The following TFCP2L1 variants were observed in gnomAD, a reference collection of about 807,000 sequenced individuals.
The protein encoded by TFCP2L1 is transcription factor CP2-like protein 1.
In TFCP2L1, 12 loss-of-function variants were observed where a neutral mutation model predicts 72.2. That is an observed-to-expected ratio of 0.17 (90% CI 0.11 to 0.27). The LOEUF (loss-of-function observed/expected upper bound fraction) is 0.27. Ranked by LOEUF, TFCP2L1 falls within the 10% of genes least tolerant of loss-of-function variation. TFCP2L1 has a pLI of 1.00. For missense variants in TFCP2L1, 488 were observed against 624.6 expected, an observed-to-expected ratio of 0.78 and a Z score of 2.33; for synonymous variants, 260 against 251.0, an observed-to-expected ratio of 1.04 and a Z score of -0.34.
At chr2:121,231,774 C>G in intron 13 of TFCP2L1, 52 bp downstream of exon 13, 2 of 1,596,148 alleles carry the variant, frequency 1.3e-6, no homozygotes, top group Non-Finnish European at 1.7e-6. Context: ...TTCTGACACT[C>G]CTCCCGTGGC....
At chr2:121,268,504 C>T (rs1029711437) in intron 2 of TFCP2L1, among the ~76,000 whole-genome samples, 3 of 152,144 alleles carry the variant, frequency 2.0e-5, no homozygotes, top group Non-Finnish European at 4.4e-5. Flanking sequence ...CAGGCGTGCA[C>T]CACCTTGCCC....
chr2:121,267,597 G>A (rs547558447), intron 2 of TFCP2L1, among the ~76,000 whole-genome samples: 1 of 152,044 alleles, frequency 6.6e-6, no homozygotes, highest in South Asian at 2.1e-4. Context: ...GGATACAAGC[G>A]ATTCTCCTGC....
chr2:121,265,624 C>G (rs1686914391), intron 2 of TFCP2L1, among the ~76,000 whole-genome samples: 1 of 152,006 alleles, frequency 6.6e-6, no homozygotes, highest in African/African-American at 2.4e-5. Flanking sequence ...TCTGGGATTA[C>G]AGGCATGAGC....
At chr2:121,228,481 C>T (rs943932489) in intron 13 of TFCP2L1, among the ~76,000 whole-genome samples, 2 of 151,430 alleles carry the variant, frequency 1.3e-5, no homozygotes, top group African/African-American at 2.4e-5. Flanking sequence ...ATAGCTAGGC[C>T]GAGCACAGTG....
Position 121,242,485 on chromosome 2 carries a change from A to C in TFCP2L1, c.658-16T>G. 6.2e-7 allele frequency: 1 copy of C among 1,613,198 alleles called. No individual in the cohort carries two copies. The highest frequency in any genetic ancestry group is 8.5e-7 in the Non-Finnish European group (1 of 1,179,500). ...CTCCCTTCGGCTGCGAGCAGAGTAC[A>C]GAGTCCAATCAGCCCAAAACCAACA... is the stretch of plus-strand genomic sequence containing the variant. On this transcript the variant is annotated splice_polypyrimidine_tract_variant and intron_variant, in intron 6 of 14. Coordinates refer to ENST00000263707, the MANE Select transcript of TFCP2L1 (RefSeq NM_014553.3).
intron 2 of TFCP2L1, among the ~76,000 whole-genome samples, chr2:121,269,531 C>T (rs755590568): frequency 6.6e-6 from 1 of 152,114 alleles, no homozygotes. Flanking sequence ...GAGGCTGGGG[C>T]AGGAAGACTG....
intron 6 of TFCP2L1, among the ~76,000 whole-genome samples, chr2:121,244,583 T>G (rs1277506821): frequency 6.6e-6 from 1 of 152,146 alleles, no homozygotes; most frequent in Non-Finnish European, 1.5e-5. Context: ...ACGCCTGGCA[T>G]GGGTTGAGGA....
At chr2:121,265,437 T>C (rs896308512) in intron 2 of TFCP2L1, among the ~76,000 whole-genome samples, 4 of 152,128 alleles carry the variant, frequency 2.6e-5, no homozygotes, top group African/African-American at 9.7e-5. Context: ...TTGAATTTTA[T>C]ACAGTAAATG....
At chr2:121,261,351 C>G (rs1274733202) in intron 2 of TFCP2L1, among the ~76,000 whole-genome samples, 1 of 152,076 alleles carries the variant, frequency 6.6e-6, no homozygotes, top group Non-Finnish European at 1.5e-5. Context: ...AGAGCTGGGG[C>G]AGGCAGAATA....
intron 5 of TFCP2L1, 149 bp from the exon 6 acceptor site, chr2:121,247,119 C>T (rs1028131229): frequency 7.4e-6 from 7 of 942,134 alleles, no homozygotes; most frequent in Non-Finnish European, 1.1e-5. Flanking sequence ...ACACTCTGTC[C>T]ACTCCATCAG....
intron 10 of TFCP2L1, among the ~76,000 whole-genome samples, chr2:121,236,889 G>A (rs990793440): frequency 1.3e-5 from 2 of 152,166 alleles, no homozygotes; most frequent in African/African-American, 2.4e-5. Context: ...ACGCTGCACC[G>A]AAATGAGTGG....
Position 121,242,455 on chromosome 2 carries a change from A to G in TFCP2L1, c.672T>C (p.Asp224=), listed in dbSNP as rs761746425. The G allele has an allele frequency of 6.2e-7, 1 of 1,613,964 alleles. No individual in the cohort carries two copies. Among genetic ancestry groups the G allele is most frequent in the Admixed American group, 1.7e-5 (1 of 60,000 alleles). Residue 224 remains aspartate (D), a synonymous_variant, in exon 7 of 15, where the codon GAT becomes GAC. Transcript: ENST00000263707. ...TCTCCCGGTCAGTCTTCTGTTTCCG[A>G]TCGGCTCCCTTCGGCTGCGAGCAGA... The part of the protein sequence containing the change: ...QIKVFKPKGA[D]RKQKTDREKM...
chr2:121,218,229 A>G lies in TFCP2L1; in HGVS notation c.*6112T>C, dbSNP rs936611606. ...AAATTTCCACAATTTTTAAATTGATAAAATCCAAAATACAATAATTGAGTA... is the reference window on the plus strand; with the variant it reads ...AAATTTCCACAATTTTTAAATTGATGAAATCCAAAATACAATAATTGAGTA... On this transcript the variant is annotated 3_prime_UTR_variant, in exon 15 of 15. Coordinates refer to ENST00000263707, the MANE Select transcript of TFCP2L1 (RefSeq NM_014553.3). The G allele has an allele frequency of 6.6e-6, 1 of 152,262 alleles. No homozygotes were observed. Among genetic ancestry groups the G allele is most frequent in the Non-Finnish European group, 1.5e-5 (1 of 68,048 alleles). 9.4% of individuals were successfully genotyped at this position (152,262 alleles called of 1,614,324 possible). A position where few individuals can be genotyped will look rare whatever the true frequency, so the allele number is the denominator to read the frequency against.
chr2:121,268,025 T>C (rs560783260), intron 2 of TFCP2L1, among the ~76,000 whole-genome samples: 1 of 152,282 alleles, frequency 6.6e-6, no homozygotes, highest in African/African-American at 2.4e-5. Flanking sequence ...AGGCTAAAGA[T>C]TGCTTGAGCC....
intron 8 of TFCP2L1, among the ~76,000 whole-genome samples, chr2:121,238,987 C>T (rs1686307210): frequency 6.6e-6 from 1 of 152,122 alleles, no homozygotes; most frequent in Non-Finnish European, 1.5e-5. Flanking sequence ...GCATGCAGAG[C>T]CATCACGGTG....
At chr2:121,280,977 G>T in intron 2 of TFCP2L1, 143 bp downstream of exon 2, 1 of 988,262 alleles carries the variant, frequency 1.0e-6, no homozygotes, top group Non-Finnish European at 1.5e-6. Context: ...AATGGAATCT[G>T]AACCTGCACC....
chr2:121,235,638 T>C lies in TFCP2L1; in HGVS notation c.1004-327A>G, dbSNP rs60432048. 2.0e-5 allele frequency among the ~76,000 whole-genome samples: 3 copies of C among 150,946 alleles called. No homozygotes were observed. In the East Asian group the frequency reaches 5.8e-4, roughly 29 times the overall value. The stretch of plus-strand genomic sequence containing the variant: ...AATATATTGCCTAGCCTGGCTGGTC[T>C]TGAACTCCTGGGCTCAAGCAATCCA... On this transcript the variant is annotated intron_variant, in intron 10 of 14. Transcript: ENST00000263707.
rs549415757 is a variant in TFCP2L1, at chr2:121,224,095, G to T, written c.*246C>A. On this transcript the variant is annotated 3_prime_UTR_variant, in exon 15 of 15. Transcript: ENST00000263707. Reference sequence around the variant, plus strand: ...ACGTCAGGGTTGGACCAATAGAAAAGAACAAGGAACCATTCAAAATCTGGA... The same window carrying T: ...ACGTCAGGGTTGGACCAATAGAAAATAACAAGGAACCATTCAAAATCTGGA... 13 of 576,602 alleles carry T rather than the reference G, an allele frequency of 2.3e-5. No individual in the cohort carries two copies. In the East Asian group the frequency reaches 3.7e-4, roughly 17 times the overall value. The allele number at this position is 576,602 out of a possible 1,614,324, so 35.7% of individuals were successfully genotyped here.
At chr2:121,224,800 G>T (rs781233243) in intron 14 of TFCP2L1, among the ~76,000 whole-genome samples, 2 of 152,112 alleles carry the variant, frequency 1.3e-5, no homozygotes, top group Non-Finnish European at 2.9e-5. Context: ...GGCTAACACA[G>T]TGAAACCCCG....
Sources: allele counts gnomAD v4.1 joint callset (sites outside exome capture counted in the v4.1 genomes callset), GRCh38; gene constraint gnomAD v4.1.1; transcripts MANE v1.5; gene names NCBI Gene and HGNC (gene_info 2026-07-23, HGNC 2026-07-21).